Variants in GLYATL1 observed in about 807,000 individuals in gnomAD.
GLYATL1 encodes the protein glycine-N-acyltransferase like 1.
GLYATL1 carries 15 observed loss-of-function variants against 20.0 expected under a neutral mutation model. That is an observed-to-expected ratio of 0.75 (90% CI 0.50 to 1.15). The LOEUF is 1.15. Ranked by LOEUF, GLYATL1 falls within the 50% of genes most tolerant of loss-of-function variation. GLYATL1 has a pLI of 0.00. For synonymous variants in GLYATL1, 151 were observed against 131.5 expected, an observed-to-expected ratio of 1.15 and a Z score of -1.01; for missense variants, 380 against 368.5, an observed-to-expected ratio of 1.03 and a Z score of -0.26.
In GLYATL1 at chr11:58,955,951, G is replaced by T; in HGVS notation, c.833G>T (p.Gly278Val). Residue 278 changes from glycine (G) to valine (V), a missense_variant, in exon 7 of 7, where the codon GGG (glycine) becomes GTG (valine). Gly to Val is a moderately radical substitution (Grantham distance 109). Coordinates refer to ENST00000532726, the MANE Select transcript of GLYATL1 (RefSeq NM_001389712.2). Reference sequence around the variant, plus strand: ...AATGAAGACTCCCGCAGATTTGTGGGGCAGTTTGGTTTCTTTGAGGCCTCC... The same window carrying T: ...AATGAAGACTCCCGCAGATTTGTGGTGCAGTTTGGTTTCTTTGAGGCCTCC... ...EENEDSRRFV[G>V]QFGFFEASCE... The T allele has an allele frequency of 6.2e-7, 1 of 1,614,158 alleles. No individual in the cohort carries two copies. The highest frequency in any genetic ancestry group is 8.5e-7 in the Non-Finnish European group (1 of 1,180,006).
intron 1 of GLYATL1, among the ~76,000 whole-genome samples, chr11:58,915,344 A>G (rs932601839): frequency 6.6e-6 from 1 of 152,178 alleles, no homozygotes; most frequent in African/African-American, 2.4e-5. Context: ...AGGCTCAGTG[A>G]AGGGACCTTC....
upstream of GLYATL1, among the ~76,000 whole-genome samples, chr11:58,925,778 AG>A (rs1177562040): frequency 6.6e-6 from 1 of 152,184 alleles, no homozygotes; most frequent in East Asian, 1.9e-4. Context: ...TGGGTAAACA[AG>A]GTTTGTGCCA....
chr11:58,918,685 A>G (rs1855237793), intron 1 of GLYATL1, among the ~76,000 whole-genome samples: 1 of 152,148 alleles, frequency 6.6e-6, no homozygotes, highest in Non-Finnish European at 1.5e-5. Context: ...ATATAAGGAA[A>G]GTTATTGGGC....
chr11:58,954,407 G>T (rs1002880650), intron 4 of GLYATL1, among the ~76,000 whole-genome samples: 1 of 152,118 alleles, frequency 6.6e-6, no homozygotes, highest in Non-Finnish European at 1.5e-5. Flanking sequence ...TATTCTGCTG[G>T]GTGCTTGGTG....
intron 4 of GLYATL1, among the ~76,000 whole-genome samples, chr11:58,953,054 T>TA (rs1297225063): frequency 2.6e-5 from 4 of 152,088 alleles, no homozygotes; most frequent in South Asian, 4.2e-4. Flanking sequence ...GTAGACTGGA[T>TA]AAAAAAAACT....
intron 4 of GLYATL1, among the ~76,000 whole-genome samples, chr11:58,950,290 T>TAAA (rs1345086917): frequency 7.3e-6 from 1 of 137,060 alleles, no homozygotes; most frequent in Non-Finnish European, 1.6e-5. Flanking sequence ...AGACTCCGTC[T>TAAA]AAAAAAAAAA....
chr11:58,949,546 A>G (rs1172868158), intron 4 of GLYATL1, among the ~76,000 whole-genome samples: 2 of 152,236 alleles, frequency 1.3e-5, no homozygotes, highest in African/African-American at 4.8e-5. Flanking sequence ...TAGTTATTAT[A>G]TGTATTTTAG....
In GLYATL1 at chr11:58,955,602, G is replaced by T. The variant is rs1857344596; in HGVS notation, c.492-8G>T. On this transcript the variant is annotated splice_polypyrimidine_tract_variant and splice_region_variant and intron_variant, in intron 6 of 6. Coordinates refer to ENST00000532726, the MANE Select transcript of GLYATL1 (RefSeq NM_001389712.2). ...GAAAGTTGTTGTCTTTCTTTTTGTT[G>T]TCTACAGTGAAACTCCCAACTTTAA... The T allele has an allele frequency of 1.2e-6, 2 of 1,610,782 alleles. No homozygotes were observed. Among genetic ancestry groups the T allele is most frequent in the Non-Finnish European group, 8.5e-7 (1 of 1,177,996 alleles).
chr11:58,950,062 A>G (rs901725559), intron 4 of GLYATL1, among the ~76,000 whole-genome samples: 1 of 142,776 alleles, frequency 7.0e-6, no homozygotes, highest in East Asian at 2.1e-4. Context: ...CAGGCGGATC[A>G]CGAGGTCAGG....
chr11:58,925,803 G>T (rs1855414070), upstream of GLYATL1, among the ~76,000 whole-genome samples: 1 of 152,132 alleles, frequency 6.6e-6, no homozygotes, highest in African/African-American at 2.4e-5. Flanking sequence ...GTGTTGCAGG[G>T]TCTTTACCTA....
At chr11:58,930,837 A>G (rs1362063453) in intron 1 of GLYATL1, among the ~76,000 whole-genome samples, 2 of 152,232 alleles carry the variant, frequency 1.3e-5, no homozygotes, top group African/African-American at 4.8e-5. Flanking sequence ...GAGTAGAGAC[A>G]GACTCACGAA....
chr11:58,907,145 C>CTCTTTCCAAGAGAAAACCGA, intron 1 of GLYATL1: 1 of 372,402 alleles, frequency 2.7e-6, no homozygotes, highest in Middle Eastern at 4.2e-4. Flanking sequence ...GGAAAGTTTT[C>CTCTTTCCAAGAGAAAACCGA]TCAGCCGGGG....
At chr11:58,937,549 C>T (rs1183050576), upstream of GLYATL1, among the ~76,000 whole-genome samples, 2 of 152,150 alleles carry the variant, frequency 1.3e-5, no homozygotes, top group Non-Finnish European at 2.9e-5. Flanking sequence ...CTAGTCACTG[C>T]CTCAAAGTAA....
chr11:58,918,729 G>A (rs1355899907), intron 1 of GLYATL1, among the ~76,000 whole-genome samples: 1 of 152,218 alleles, frequency 6.6e-6, no homozygotes, highest in East Asian at 1.9e-4. Context: ...TCATTTGATG[G>A]TGACTCTGCA....
chr11:58,948,915 C>A (rs1856776885), intron 4 of GLYATL1, among the ~76,000 whole-genome samples: 1 of 152,124 alleles, frequency 6.6e-6, no homozygotes, highest in South Asian at 2.1e-4. Flanking sequence ...AGCTATATAA[C>A]CATAGGCACT....
chr11:58,955,035 G>C (rs866760250), intron 5 of GLYATL1, 139 bp downstream of exon 5: 1 of 1,232,976 alleles, frequency 8.1e-7, no homozygotes, highest in South Asian at 1.5e-5. Flanking sequence ...GGAGCAATCT[G>C]TGGTGTGACA....
At position 58,943,584 on chromosome 11, in the gene GLYATL1, C is replaced by G. The variant is rs370942980; in HGVS notation, c.-125C>G. ...GATCTGAAGTGGAGCTTCTAGTATC[C>G]CCAGGAGCGCGAAGTGAACACGGAA... On this transcript the variant is annotated 5_prime_UTR_variant, in exon 2 of 7. Coordinates refer to ENST00000532726, the MANE Select transcript of GLYATL1 (RefSeq NM_001389712.2). The G allele has an allele frequency of 1.2e-6, 2 of 1,613,368 alleles. No individual in the cohort carries two copies. Among genetic ancestry groups the G allele is most frequent in the Non-Finnish European group, 1.7e-6 (2 of 1,179,652 alleles).
At chr11:58,934,634 A>G (rs547319), upstream of GLYATL1, 6 of 152,266 alleles carry the variant, frequency 3.9e-5, no homozygotes. Context: ...GCAGTACTAG[A>G]TACTGGGTCT....
chr11:58,908,376 T>A (rs1854958523), exon 2 of GLYATL1: 1 of 153,452 alleles, frequency 6.5e-6, no homozygotes, highest in South Asian at 2.1e-4. Flanking sequence ...TTTTTGTTTT[T>A]TTAGACATTT....
Sources: allele counts gnomAD v4.1 joint callset (sites outside exome capture counted in the v4.1 genomes callset), GRCh38; gene constraint gnomAD v4.1.1; transcripts MANE v1.5; gene names NCBI Gene and HGNC (gene_info 2026-07-23, HGNC 2026-07-21).